CCR6: variants seen among roughly 807,000 people sequenced by gnomAD.
CCR6 encodes the protein C-C motif chemokine receptor 6, also known as C-C chemokine receptor type 6.
CCR6 carries 2 observed loss-of-function variants against 3.0 expected under a neutral mutation model. The ratio of observed to expected loss-of-function variants is 0.66; its 90% CI spans 0.27 to 2.07. The LOEUF is 2.07. Among genes scored for constraint, CCR6 ranks in the 30% most tolerant of loss-of-function variants. CCR6 has a pLI of 0.14. For synonymous variants in CCR6, 193 were observed against 184.3 expected (o/e 1.05, Z -0.38); for missense variants, 322 against 462.8 (o/e 0.70, Z 2.79).
chr6:167,124,075 G>A (rs1344150542), intron 1 of CCR6, among the ~76,000 whole-genome samples: 1 of 152,206 alleles, frequency 6.6e-6, no homozygotes, highest in African/African-American at 2.4e-5. Flanking sequence ...TCACGCTACT[G>A]CACTCCAGCC....
At chr6:167,112,339 C>T (rs929509438) in intron 1 of CCR6, among the ~76,000 whole-genome samples, 2 of 152,068 alleles carry the variant, frequency 1.3e-5, no homozygotes, top group African/African-American at 4.8e-5. Context: ...AGAAGATGGC[C>T]ATGGAGGGTT....
chr6:167,117,658 G>A (rs1028688397), intron 1 of CCR6, among the ~76,000 whole-genome samples: 10 of 151,328 alleles, frequency 6.6e-5, no homozygotes, highest in South Asian at 4.2e-4. Flanking sequence ...CTCGTGATCC[G>A]CCCGTCTCAG....
chr6:167,113,286 A>T (rs1027431422), intron 1 of CCR6, among the ~76,000 whole-genome samples: 1 of 152,052 alleles, frequency 6.6e-6, no homozygotes, highest in Non-Finnish European at 1.5e-5. Context: ...CACAGTTCTG[A>T]TAAGGGGGGG....
intron 1 of CCR6, among the ~76,000 whole-genome samples, chr6:167,131,863 G>A (rs940686053): frequency 6.6e-6 from 1 of 152,166 alleles, no homozygotes. Flanking sequence ...TGCAATAAAT[G>A]TCACCGATTG....
intron 1 of CCR6, chr6:167,127,320 TAGTG>T (rs1241793652): frequency 1.3e-5 from 2 of 152,050 alleles, no homozygotes; most frequent in Non-Finnish European, 2.9e-5. Flanking sequence ...GTTTGGGAAA[TAGTG>T]AGTTATTCCA....
Position 167,136,036 on chromosome 6 carries a change from A to T in CCR6, c.-97-2A>T. The T allele has an allele frequency of 1.5e-6, 2 of 1,379,022 alleles. No individual in the cohort carries two copies. The highest frequency in any genetic ancestry group is 2.0e-6 in the Non-Finnish European group (2 of 998,052). 85.4% of individuals were successfully genotyped at this position (1,379,022 alleles called of 1,614,324 possible). ...GTGCATTTTGCCTTCTTTCCTTCTTAGAGTCACCTCTACTTTCCTGCTACC... is the reference window on the plus strand; with the variant it reads ...GTGCATTTTGCCTTCTTTCCTTCTTTGAGTCACCTCTACTTTCCTGCTACC... On this transcript the variant is annotated splice_acceptor_variant, in intron 1 of 2. Transcript: ENST00000341935. LOFTEE classifies it low-confidence loss of function (5UTR_SPLICE). The surrounding 1 kb of genome is among the most constrained non-coding windows in gnomAD (Gnocchi z 4.6).
chr6:167,130,081 T>G (rs1485930614), intron 1 of CCR6, among the ~76,000 whole-genome samples: 1 of 151,734 alleles, frequency 6.6e-6, no homozygotes, highest in Non-Finnish European at 1.5e-5. Context: ...AATTACACTT[T>G]AAGAATCAGT....
chr6:167,132,499 C>A (rs1283824585), intron 1 of CCR6, among the ~76,000 whole-genome samples: 1 of 152,036 alleles, frequency 6.6e-6, no homozygotes, highest in Non-Finnish European at 1.5e-5. Context: ...TAATCTTAGT[C>A]CTTCCAGTGG....
intron 1 of CCR6, among the ~76,000 whole-genome samples, chr6:167,117,769 G>A (rs6932425): frequency 1.3e-5 from 2 of 151,964 alleles, no homozygotes; most frequent in Admixed American, 1.3e-4. Context: ...CACCCCTGTG[G>A]TCTCTATTCC....
intron 1 of CCR6, chr6:167,129,556 G>A (rs1781720956): frequency 6.6e-6 from 1 of 151,980 alleles, no homozygotes; most frequent in Non-Finnish European, 1.5e-5. Context: ...CCATTCGCTG[G>A]AGTCAGGCAA....
intron 1 of CCR6, among the ~76,000 whole-genome samples, chr6:167,113,814 A>T (rs1781450136): frequency 6.6e-6 from 1 of 152,252 alleles, no homozygotes; most frequent in African/African-American, 2.4e-5. Context: ...CAGCGTTCAG[A>T]TGACTGCGTT....
At position 167,114,560 on chromosome 6, in the gene CCR6, T is replaced by C. The variant is rs80155355; in HGVS notation, c.-98+2546T>C. ...TCATATTTCGGAGGGGTTACTGCCA[T>C]TGAGTGGCCTAAATTTCAAACCCTG... On this transcript the variant is annotated intron_variant, in intron 1 of 2. Transcript: ENST00000400926. Among the ~76,000 whole-genome samples the C allele has an allele frequency of 2.0e-3, 299 of 152,336 alleles. 1 individual carries two copies. Among genetic ancestry groups the C allele is most frequent in the African/African-American group, 6.8e-3 (283 of 41,562 alleles).
chr6:167,137,081 T>G lies in CCR6; in HGVS notation c.851T>G (p.Met284Arg). ...GTGACGGCTGCAAATTTGGGTAAAATGAACCGATCCTGCCAGAGCGAAAAG... is the reference window on the plus strand; with the variant it reads ...GTGACGGCTGCAAATTTGGGTAAAAGGAACCGATCCTGCCAGAGCGAAAAG... Reference protein sequence around the residue: ...LLVTAANLGKMNRSCQSEKLI... With the variant: ...LLVTAANLGKRNRSCQSEKLI... The change falls in exon 3 of 3, where the codon ATG (methionine) becomes AGG (arginine). Residue 284 changes from methionine to arginine, a missense_variant. Coordinates refer to ENST00000341935, the MANE Select transcript of CCR6 (RefSeq NM_031409.4). This position sits in a 1 kb window ranked among gnomAD's most constrained non-coding sequence, Gnocchi z 4.6. 1 of 1,614,156 alleles carries G rather than the reference T, an allele frequency of 6.2e-7. No individual in the cohort carries two copies. Among genetic ancestry groups the G allele is most frequent in the Non-Finnish European group, 8.5e-7 (1 of 1,180,032 alleles).
chr6:167,132,640 A>G (rs765152641), intron 1 of CCR6, among the ~76,000 whole-genome samples: 8 of 152,162 alleles, frequency 5.3e-5, no homozygotes, highest in Non-Finnish European at 1.2e-4. Flanking sequence ...TCCCGGGTTC[A>G]ACTGATTCTC....
In CCR6 at chr6:167,117,352, T is replaced by C. The variant is rs115004152; in HGVS notation, c.-98+5338T>C. Among the ~76,000 whole-genome samples, 285 of 152,032 alleles carry C rather than the reference T, an allele frequency of 1.9e-3. 1 individual carries two copies. The highest frequency in any genetic ancestry group is 6.5e-3 in the African/African-American group (271 of 41,450). Reference sequence around the variant, plus strand: ...GAAGGTGTTACCTGCTTGTTTTCAGTTAAGGAAATAACCTGTCTCCTGGGT... The same window carrying C: ...GAAGGTGTTACCTGCTTGTTTTCAGCTAAGGAAATAACCTGTCTCCTGGGT... On this transcript the variant is annotated intron_variant, in intron 1 of 2. Coordinates refer to the CCR6 transcript ENST00000400926.
At chr6:167,124,846 T>C (rs1220251773) in intron 1 of CCR6, among the ~76,000 whole-genome samples, 1 of 151,110 alleles carries the variant, frequency 6.6e-6, no homozygotes, top group East Asian at 1.9e-4. Flanking sequence ...TACACACACG[T>C]CCATATGTAC....
chr6:167,127,172 G>T, intron 1 of CCR6: 1 of 152,356 alleles, frequency 6.6e-6, no homozygotes, highest in Non-Finnish European at 1.5e-5. Context: ...ATGAGGTCTT[G>T]CTATGTTGCC....
chr6:167,136,963 C>T lies in CCR6; in HGVS notation c.733C>T (p.Gln245Ter). Residue 245 changes from glutamine to a stop codon, truncating the protein, a stop_gained, in exon 3 of 3, where the codon CAG becomes TAG. Coordinates refer to ENST00000341935, the MANE Select transcript of CCR6 (RefSeq NM_031409.4). LOFTEE classifies it low-confidence loss of function (END_TRUNC). This position sits in a 1 kb window ranked among gnomAD's most constrained non-coding sequence, Gnocchi z 4.6. ...TFIVKTLVQA[Q>*]NSKRHKAIRV... Reference sequence around the variant, plus strand: ...CATTGTCAAAACCTTGGTGCAAGCTCAGAATTCTAAAAGGCACAAAGCCAT... The same window carrying T: ...CATTGTCAAAACCTTGGTGCAAGCTTAGAATTCTAAAAGGCACAAAGCCAT... 1.2e-6 allele frequency: 2 copies of T among 1,614,156 alleles called. No homozygotes were observed. The highest frequency in any genetic ancestry group is 1.7e-6 in the Non-Finnish European group (2 of 1,180,032).
chr6:167,120,226 G>T (rs888311825), upstream of CCR6, among the ~76,000 whole-genome samples: 1 of 152,154 alleles, frequency 6.6e-6, no homozygotes, highest in South Asian at 2.1e-4. Context: ...CCGAAGGCTC[G>T]ATTGGGCTGG....
Sources: allele counts gnomAD v4.1 joint callset (sites outside exome capture counted in the v4.1 genomes callset), GRCh38; gene constraint gnomAD v4.1.1; non-coding constraint Gnocchi (gnomAD v3.1); transcripts MANE v1.5; gene names NCBI Gene and HGNC (gene_info 2026-07-23, HGNC 2026-07-21).